The following AOPEP variants were observed in gnomAD, a reference collection of about 807,000 sequenced individuals.
AOPEP encodes aminopeptidase O.
AOPEP carries 77 observed loss-of-function variants against 98.1 expected under a neutral mutation model. The ratio of observed to expected loss-of-function variants is 0.78; its 90% CI spans 0.65 to 0.95. AOPEP has a LOEUF of 0.95. Ranked by LOEUF, AOPEP falls within the 40% of genes least tolerant of loss-of-function variation. The pLI is 0.00. For synonymous variants in AOPEP, 346 were observed against 365.3 expected (o/e 0.95, Z 0.60); for missense variants, 1,024 against 1,024.7 (o/e 1.00, Z 0.01).
At chr9:94,937,738 A>C (rs79453272) in intron 7 of AOPEP, among the ~76,000 whole-genome samples, 2,945 of 152,264 alleles carry the variant, frequency 0.019, 103 homozygotes, top group African/African-American at 0.067. Context: ...ATCCTAATGT[A>C]AGCTGCTGTC....
Position 95,080,701 on chromosome 9 carries a change from A to G in AOPEP, c.2240A>G (p.His747Arg). Reference protein sequence around the residue: ...HLQDQDAEVRHRWCELIVKHK... With the variant: ...HLQDQDAEVRRRWCELIVKHK... Reference sequence around the variant, plus strand: ...TCTCTCTTGTTCCTCCAGGTTCGCCATCGGTGGTGTGAACTCATTGTTAAG... The same window carrying G: ...TCTCTCTTGTTCCTCCAGGTTCGCCGTCGGTGGTGTGAACTCATTGTTAAG... The change falls in exon 15 of 17, where the codon CAT (histidine) becomes CGT (arginine). Residue 747 changes from histidine (H) to arginine (R), a missense_variant. This residue lies in a region of AOPEP where 566 missense variants were observed against 551.7 expected (regional missense o/e 1.03). Transcript: ENST00000375315. The G allele has an allele frequency of 3.1e-6, 5 of 1,613,550 alleles. No homozygotes were observed. Among genetic ancestry groups the G allele is most frequent in the Non-Finnish European group, 4.2e-6 (5 of 1,179,880 alleles).
chr9:95,110,127 G>T, the AOPEP span: 1 of 448,752 alleles, frequency 2.2e-6, no homozygotes, highest in Non-Finnish European at 3.0e-6. Context: ...CAAAATCCTA[G>T]GCATCCCCTG....
chr9:95,112,543 A>C, the AOPEP span, among the ~76,000 whole-genome samples: 1 of 152,342 alleles, frequency 6.6e-6, no homozygotes, highest in African/African-American at 2.4e-5. Context: ...GGACATGGTC[A>C]GAGCTGATGC....
chr9:95,036,702 C>CTTCTTCTT (rs142297044), intron 13 of AOPEP, among the ~76,000 whole-genome samples: 5 of 135,822 alleles, frequency 3.7e-5, no homozygotes, highest in Admixed American at 7.8e-5. Context: ...TCTTCTTCTT[C>CTTCTTCTT]TTTTTTTTTT....
chr9:94,909,346 T>TAAAAAAAAAAA (rs3052031), intron 5 of AOPEP, among the ~76,000 whole-genome samples: 2 of 82,038 alleles, frequency 2.4e-5, no homozygotes, highest in South Asian at 5.5e-4. Context: ...TTTGGAGCCT[T>TAAAAAAAAAAA]AAAAAAAAAA....
chr9:95,075,151 G>A (rs2068917563), intron 14 of AOPEP, among the ~76,000 whole-genome samples: 1 of 152,134 alleles, frequency 6.6e-6, no homozygotes, highest in African/African-American at 2.4e-5. Context: ...GTCTGTGTAG[G>A]GCTGAAATAC....
At chr9:94,761,714 T>G (rs1487604734) in intron 2 of AOPEP, among the ~76,000 whole-genome samples, 1 of 152,192 alleles carries the variant, frequency 6.6e-6, no homozygotes, top group Non-Finnish European at 1.5e-5. Context: ...TCACTTCCTG[T>G]CTTATTTCTG....
chr9:95,086,161 G>A (rs1276321644), intron 16 of AOPEP: 8 of 1,338,192 alleles, frequency 6.0e-6, no homozygotes, highest in South Asian at 3.6e-5. Context: ...TCCCACTCGC[G>A]GCAGACAGGC....
chr9:94,954,597 GTC>G (rs2058330915), intron 7 of AOPEP, among the ~76,000 whole-genome samples: 1 of 152,194 alleles, frequency 6.6e-6, no homozygotes, highest in South Asian at 2.1e-4. Flanking sequence ...TAGAACTAAT[GTC>G]TGTGTGCCTC....
chr9:95,104,423 G>A, the AOPEP span, among the ~76,000 whole-genome samples: 1 of 152,192 alleles, frequency 6.6e-6, no homozygotes, highest in Non-Finnish European at 1.5e-5. Flanking sequence ...TGACTTGGGG[G>A]ATGTGATGAC....
intron 5 of AOPEP, among the ~76,000 whole-genome samples, chr9:94,832,408 G>A (rs1014601765): frequency 4.6e-5 from 7 of 152,180 alleles, no homozygotes; most frequent in African/African-American, 1.7e-4. Context: ...CCAAGAGTTT[G>A]ACAACGTACT....
Position 95,083,475 on chromosome 9 carries a change from C to G in AOPEP, c.*4+756C>G, listed in dbSNP as rs1003368832. On this transcript the variant is annotated intron_variant, in intron 16 of 16. Coordinates refer to ENST00000375315, the MANE Select transcript of AOPEP (RefSeq NM_001193329.3). The stretch of plus-strand genomic sequence containing the variant: ...GCGCACGCACCACACAGAGCACACG[C>G]GGCACACGCAGCACACACACCACAC... Among the ~76,000 whole-genome samples, 3 of 143,042 alleles carry G rather than the reference C, an allele frequency of 2.1e-5. No homozygotes were observed. In the South Asian group the frequency reaches 6.8e-4, roughly 33 times the overall value. 93.8% of individuals were successfully genotyped at this position (143,042 alleles called of 152,430 possible). A position where few individuals can be genotyped will look rare whatever the true frequency, so the allele number is the denominator to read the frequency against.
In AOPEP at chr9:94,928,473, C is replaced by T. The variant is rs999008130; in HGVS notation, c.1603C>T (p.Arg535Cys). 2.1e-5 allele frequency: 32 copies of T among 1,550,074 alleles called. No individual in the cohort carries two copies. Among genetic ancestry groups the T allele is most frequent in the African/African-American group, 6.8e-5 (5 of 73,022 alleles). Residue 535 changes from arginine (R) to cysteine (C), a missense_variant, in exon 7 of 17, where the codon CGC (arginine) becomes TGC (cysteine). Coordinates refer to ENST00000375315, the MANE Select transcript of AOPEP (RefSeq NM_001193329.3). ...GCAGCAGGAGCTGAGGGCTTGTCTG[C>T]GCTGGCGTCGCCTCCAGGACGAGAT... ...REQQELRACL[R>C]WRRLQDEMQC...
chr9:95,059,701 T>C (rs544707849), intron 13 of AOPEP, among the ~76,000 whole-genome samples: 12 of 152,320 alleles, frequency 7.9e-5, no homozygotes, highest in Non-Finnish European at 1.5e-4. Flanking sequence ...TGACTTGATA[T>C]CAGCTTCCAG....
intron 6 of AOPEP, among the ~76,000 whole-genome samples, chr9:94,925,244 CT>C (rs1450532875): frequency 2.0e-5 from 3 of 152,250 alleles, no homozygotes; most frequent in African/African-American, 7.2e-5. Context: ...CCACCTTGGC[CT>C]CCCAAAGTGC....
chr9:94,919,719 C>T (rs775445836), intron 5 of AOPEP, among the ~76,000 whole-genome samples: 20 of 152,136 alleles, frequency 1.3e-4, no homozygotes, highest in Middle Eastern at 3.4e-3. Context: ...CAGGCTACTA[C>T]GAGTCTACGG....
At chr9:95,081,153 GC>G (rs1332606386) in intron 15 of AOPEP, among the ~76,000 whole-genome samples, 1 of 152,182 alleles carries the variant, frequency 6.6e-6, no homozygotes, top group African/African-American at 2.4e-5. Context: ...GACTGGGAGA[GC>G]CCCGACGGGA....
intron 7 of AOPEP, among the ~76,000 whole-genome samples, chr9:94,935,856 T>C (rs2056190830): frequency 2.0e-5 from 3 of 152,188 alleles, no homozygotes; most frequent in Admixed American, 1.3e-4. Context: ...CATCTCTTAC[T>C]GATCATCCCC....
intron 13 of AOPEP, among the ~76,000 whole-genome samples, chr9:95,006,992 C>T (rs1188677639): frequency 6.6e-6 from 1 of 151,246 alleles, no homozygotes; most frequent in African/African-American, 2.4e-5. Flanking sequence ...GCCTCGGCCT[C>T]CCAGGTTCAA....
Sources: gnomAD v4.1 joint callset for allele counts (sites outside exome capture counted in the v4.1 genomes callset) on GRCh38, gnomAD v4.1.1 for gene constraint, gnomAD v4.1.1 regional missense constraint, MANE v1.5 for transcripts, NCBI Gene and HGNC (gene_info 2026-07-23, HGNC 2026-07-21) for gene names.